NR4A1: variants seen among roughly 807,000 people sequenced by gnomAD.
NR4A1 encodes nuclear receptor subfamily 4immunitygroup A member 1.
In NR4A1, 24 loss-of-function variants were observed where a neutral mutation model predicts 47.5. The observed-to-expected ratio is 0.50, with a 90% CI of 0.37 to 0.71. The LOEUF (loss-of-function observed/expected upper bound fraction) is 0.71, where lower values mean the gene tolerates loss of function less well. Among genes scored for constraint, NR4A1 ranks in the 30% least tolerant of loss-of-function variants. NR4A1 has a pLI of 0.00. For missense variants in NR4A1, 669 were observed against 788.6 expected, an observed-to-expected ratio of 0.85 and a Z score of 1.82; for synonymous variants, 353 against 345.7, an observed-to-expected ratio of 1.02 and a Z score of -0.24.
At chr12:52,036,493 C>A (rs1411824993) in intron 1 of NR4A1, among the ~76,000 whole-genome samples, 1 of 152,204 alleles carries the variant, frequency 6.6e-6, no homozygotes, top group African/African-American at 2.4e-5. Context: ...CTGATCATAT[C>A]ATGTTTTAGA....
At chr12:52,031,198 T>C (rs1480632393) in intron 1 of NR4A1, among the ~76,000 whole-genome samples, 2 of 151,898 alleles carry the variant, frequency 1.3e-5, no homozygotes, top group Non-Finnish European at 2.9e-5. Context: ...TTATTATTAT[T>C]ACTTTTAGTA....
At chr12:52,042,078 C>A in intron 2 of NR4A1, 1 of 935,780 alleles carries the variant, frequency 1.1e-6, no homozygotes, top group Non-Finnish European at 1.4e-6. Context: ...GTTCAGTGTG[C>A]GGGATCTGAT....
At chr12:52,052,464 C>T (rs1346784186) in intron 1 of NR4A1, 16 of 985,392 alleles carry the variant, frequency 1.6e-5, no homozygotes, top group Non-Finnish European at 1.8e-5. Context: ...CCCTATGCCC[C>T]CTCCCCCAGT....
intron 1 of NR4A1, among the ~76,000 whole-genome samples, chr12:52,033,671 G>GGTGTCTCTGGACA (rs1938179382): frequency 6.6e-6 from 1 of 152,186 alleles, no homozygotes; most frequent in Non-Finnish European, 1.5e-5. Flanking sequence ...CCATCTGGGC[G>GGTGTCTCTGGACA]GTGTCTCTGG....
intron 3 of NR4A1, 83 bp downstream of exon 3, chr12:52,056,242 G>A (rs1048276627): frequency 5.4e-5 from 82 of 1,505,344 alleles, no homozygotes; most frequent in Middle Eastern, 2.1e-4. Context: ...CTTCTGCCCT[G>A]GAGGACCCAG....
chr12:52,042,933 A>G (rs952037746), intron 2 of NR4A1, among the ~76,000 whole-genome samples: 1 of 152,174 alleles, frequency 6.6e-6, no homozygotes, highest in Admixed American at 6.5e-5. Context: ...TCCCGGATGA[A>G]GCACGCACTG....
chr12:52,037,722 G>A, intron 1 of NR4A1: 10 of 985,426 alleles, frequency 1.0e-5, no homozygotes, highest in Non-Finnish European at 1.1e-5. Context: ...CCATTTCTCC[G>A]CCGGCTGCGG....
At chr12:52,047,804 A>G (rs975684781), upstream of NR4A1, among the ~76,000 whole-genome samples, 1 of 152,236 alleles carries the variant, frequency 6.6e-6, no homozygotes, top group Admixed American at 6.5e-5. Context: ...ACAAATGCCA[A>G]GTTGTGAGGA....
chr12:52,058,857 G>C lies in NR4A1; in HGVS notation c.1710G>C (p.Leu570=). 1 of 1,614,066 alleles carries C rather than the reference G, an allele frequency of 6.2e-7. No individual in the cohort carries two copies. The highest frequency in any genetic ancestry group is 1.1e-5 in the South Asian group (1 of 91,088). Residue 570 remains leucine, a synonymous_variant, in exon 7 of 7, where the codon CTG becomes CTC. Transcript: ENST00000394825. ...TGCGGACCCTGTGCACCCAGGGCCT[G>C]CAGCGCATCTTCTACCTCAAGCTGG... The part of the protein sequence containing the change: ...PELRTLCTQG[L]QRIFYLKLED...
chr12:52,051,309 C>A, upstream of NR4A1: 1 of 727,488 alleles, frequency 1.4e-6, no homozygotes, highest in Non-Finnish European at 1.7e-6. Context: ...CCCCTGGCCG[C>A]CTCCCGCCGG....
chr12:52,036,297 T>C (rs543782641), intron 1 of NR4A1, among the ~76,000 whole-genome samples: 1 of 151,986 alleles, frequency 6.6e-6, no homozygotes, highest in Admixed American at 6.5e-5. Context: ...CATGGAAGCC[T>C]GGGCCTGAAG....
At chr12:52,037,955 G>T (rs1232867377) in intron 1 of NR4A1, 3 of 981,868 alleles carry the variant, frequency 3.1e-6, no homozygotes, top group Non-Finnish European at 3.6e-6. Flanking sequence ...CTTATACTGG[G>T]TGGGGTGGGG....
At chr12:52,025,595 GCT>G (rs1937985259) in intron 1 of NR4A1, among the ~76,000 whole-genome samples, 1 of 152,148 alleles carries the variant, frequency 6.6e-6, no homozygotes, top group African/African-American at 2.4e-5. Flanking sequence ...AGCTCACCCG[GCT>G]CTGTTTTTCT....
intron 1 of NR4A1, among the ~76,000 whole-genome samples, chr12:52,029,002 A>G (rs1162687317): frequency 6.6e-6 from 1 of 152,220 alleles, no homozygotes; most frequent in Non-Finnish European, 1.5e-5. Context: ...TATTCCCCAA[A>G]TCCTTTAGTG....
chr12:52,045,524 A>T, intron 2 of NR4A1: 1 of 453,230 alleles, frequency 2.2e-6, no homozygotes, highest in South Asian at 1.6e-5. Context: ...GCAGTGCTAC[A>T]TTTGGATGTG....
At position 52,056,058 on chromosome 12, in the gene NR4A1, T is replaced by G; in HGVS notation, c.905T>G (p.Ile302Ser). Residue 302 changes from isoleucine to serine, a missense_variant, in exon 3 of 7, where the codon ATC becomes AGC. Ile to Ser is a moderately radical substitution (Grantham distance 142, BLOSUM62 -2). Transcript: ENST00000394825. Reference protein sequence around the residue: ...KRTVQKNAKYICLANKDCPVD... With the variant: ...KRTVQKNAKYSCLANKDCPVD... ...ACAGTGCAGAAAAACGCCAAGTACATCTGCCTGGCTAACAAGGACTGCCCT... is the reference window on the plus strand; with the variant it reads ...ACAGTGCAGAAAAACGCCAAGTACAGCTGCCTGGCTAACAAGGACTGCCCT... 7.3e-7 allele frequency: 1 copy of G among 1,364,208 alleles called. No homozygotes were observed. The highest frequency in any genetic ancestry group is 1.6e-5 in the African/African-American group (1 of 63,364). The allele number at this position is 1,364,208 out of a possible 1,614,324, so 84.5% of individuals were successfully genotyped here.
rs559304653 is a variant in NR4A1 at position 52,038,578 on chromosome 12, T to G, written c.-83-3232T>G. 227 of 638,288 alleles carry G rather than the reference T, an allele frequency of 3.6e-4. 3 individuals carry two copies. In the South Asian group the frequency reaches 3.7e-3, roughly 10 times the overall value. The allele number at this position is 638,288 out of a possible 1,614,324, so 39.5% of individuals were successfully genotyped here. On this transcript the variant is annotated intron_variant, in intron 1 of 7. Transcript: ENST00000360284. ...TTTGGGGGCTGTCGTCGGCCTGGCT[T>G]GGGGCCCTAGTGGTGGGGCTACAAG...
chr12:52,044,599 G>A (rs1259655120), intron 2 of NR4A1, among the ~76,000 whole-genome samples: 1 of 152,236 alleles, frequency 6.6e-6, no homozygotes, highest in Non-Finnish European at 1.5e-5. Flanking sequence ...CGAATCCAGA[G>A]CCTGTGACTA....
intron 2 of NR4A1, among the ~76,000 whole-genome samples, chr12:52,044,770 G>A (rs1274968938): frequency 6.6e-6 from 1 of 152,178 alleles, no homozygotes; most frequent in Non-Finnish European, 1.5e-5. Context: ...GCAAGGTGGT[G>A]GGAGACCCTC....
Sources: gnomAD v4.1 joint callset for allele counts (sites outside exome capture counted in the v4.1 genomes callset) on GRCh38, gnomAD v4.1.1 for gene constraint, MANE v1.5 for transcripts, NCBI Gene and HGNC (gene_info 2026-07-23, HGNC 2026-07-21) for gene names.